IL1RAPL1: variants seen among roughly 807,000 people sequenced by gnomAD.
IL1RAPL1 encodes interleukin 1 receptor accessory protein like 1, also known as interleukin-1 receptor accessory protein-like 1.
In IL1RAPL1, 3 loss-of-function variants were observed where a neutral mutation model predicts 48.4. The observed-to-expected ratio is 0.06, with a 90% CI of 0.03 to 0.16. IL1RAPL1 has a LOEUF of 0.16. Ranked by LOEUF, IL1RAPL1 falls within the 10% of genes least tolerant of loss-of-function variation. The probability of loss-of-function intolerance (pLI) is 1.00; values close to 1 mark genes in which losing one functional copy is unlikely to be tolerated. For missense variants in IL1RAPL1, 349 were observed against 530.6 expected (o/e 0.66, Z 3.36); for synonymous variants, 185 against 187.7 (o/e 0.99, Z 0.12).
At chrX:29,906,515 ATATAT>A (rs2040192392) in intron 6 of IL1RAPL1, among the ~76,000 whole-genome samples, 3 of 39,461 alleles carry the variant, frequency 7.6e-5, no homozygotes, top group Non-Finnish European at 1.3e-4. Context: ...ATATATATAT[ATATAT>A]ATTTCTGTAG....
chrX:29,520,962 A>G (rs1053776746), intron 5 of IL1RAPL1, among the ~76,000 whole-genome samples: 1 of 111,054 alleles, frequency 9.0e-6, no homozygotes, highest in African/African-American at 3.3e-5. Context: ...TTACCCTTTG[A>G]ACACAGCTTT....
chrX:28,833,935 G>T (rs1274934378), intron 2 of IL1RAPL1, among the ~76,000 whole-genome samples: 1 of 112,050 alleles, frequency 8.9e-6, no homozygotes, highest in South Asian at 3.6e-4. Flanking sequence ...ATGCATTTAT[G>T]TAAACATTAA....
intron 5 of IL1RAPL1, among the ~76,000 whole-genome samples, chrX:29,510,991 G>A (rs772110491): frequency 1.8e-5 from 2 of 111,773 alleles, no homozygotes; most frequent in East Asian, 2.8e-4. Flanking sequence ...GGCATCTGCT[G>A]CTTGAACTCC....
intron 2 of IL1RAPL1, among the ~76,000 whole-genome samples, chrX:29,116,274 A>T (rs988940081): frequency 9.0e-6 from 1 of 111,125 alleles, no homozygotes; most frequent in East Asian, 2.8e-4. Context: ...GATCAAAATG[A>T]TACTTTAGGA....
At chrX:28,620,088 A>AC (rs1327460522) in intron 1 of IL1RAPL1, among the ~76,000 whole-genome samples, 4 of 110,735 alleles carry the variant, frequency 3.6e-5, no homozygotes, top group African/African-American at 9.9e-5. Context: ...AAAAAAAAAA[A>AC]CACTAAAGTG....
intron 5 of IL1RAPL1, among the ~76,000 whole-genome samples, chrX:29,633,044 C>A (rs906539284): frequency 2.7e-5 from 3 of 111,261 alleles, no homozygotes; most frequent in African/African-American, 9.8e-5. Flanking sequence ...GAAACATATA[C>A]AATATACACG....
chrX:29,139,748 T>C (rs1929209617), intron 2 of IL1RAPL1, among the ~76,000 whole-genome samples: 1 of 111,530 alleles, frequency 9.0e-6, no homozygotes, highest in South Asian at 3.7e-4. Context: ...AAACATGCAA[T>C]AGATTTTTAA....
intron 2 of IL1RAPL1, among the ~76,000 whole-genome samples, chrX:29,135,027 C>A (rs2147487072): frequency 8.9e-6 from 1 of 111,913 alleles, no homozygotes; most frequent in East Asian, 2.8e-4. Flanking sequence ...CTTTTTCTAA[C>A]AAACACATAG....
At chrX:28,993,727 C>T (rs781431017) in intron 2 of IL1RAPL1, among the ~76,000 whole-genome samples, 3 of 111,992 alleles carry the variant, frequency 2.7e-5, no homozygotes, top group African/African-American at 9.7e-5. Context: ...CTGGTAGTGA[C>T]GAATTTAACT....
chrX:28,701,939 A>C (rs1480710183), intron 1 of IL1RAPL1, among the ~76,000 whole-genome samples: 1 of 111,891 alleles, frequency 8.9e-6, no homozygotes, highest in African/African-American at 3.2e-5. Context: ...TAGGTTAATA[A>C]AATAAAGCAA....
chrX:29,353,122 A>T (rs1022575500), intron 3 of IL1RAPL1, among the ~76,000 whole-genome samples: 1 of 112,172 alleles, frequency 8.9e-6, no homozygotes, highest in Admixed American at 9.5e-5. Flanking sequence ...AAACCACCAG[A>T]TTATTTGATT....
rs183374073 is a variant in IL1RAPL1 at position 29,758,418 on chromosome X, C to T, written c.778+89914C>T. Among the ~76,000 whole-genome samples the T allele has an allele frequency of 2.1e-3, 235 of 111,275 alleles. 1 individual carries two copies. Among genetic ancestry groups the T allele is most frequent in the Non-Finnish European group, 3.2e-3 (169 of 53,024 alleles). On this transcript the variant is annotated intron_variant, in intron 6 of 10. Transcript: ENST00000378993. ...ACTGAAAATGGAAATACAGGCCAGA[C>T]GCAGTGGCTCACGCCTGTAATCCCA... is the stretch of plus-strand genomic sequence containing the variant.
intron 6 of IL1RAPL1, among the ~76,000 whole-genome samples, chrX:29,799,868 A>G (rs1929832907): frequency 8.9e-6 from 1 of 112,213 alleles, no homozygotes; most frequent in South Asian, 3.7e-4. Flanking sequence ...TATGCCACAC[A>G]TGGAGTCTTT....
chrX:29,873,474 G>A (rs1967149818), intron 6 of IL1RAPL1, among the ~76,000 whole-genome samples: 1 of 109,015 alleles, frequency 9.2e-6, no homozygotes, highest in African/African-American at 3.4e-5. Context: ...CCTCATGAAT[G>A]GGATTGATGC....
chrX:28,988,268 C>G (rs1397077345), intron 2 of IL1RAPL1, among the ~76,000 whole-genome samples: 3 of 111,349 alleles, frequency 2.7e-5, no homozygotes, highest in Non-Finnish European at 1.9e-5. Flanking sequence ...AAAACTTACT[C>G]AAAGGATTTT....
intron 2 of IL1RAPL1, among the ~76,000 whole-genome samples, chrX:29,117,915 G>T (rs1379601367): frequency 9.0e-6 from 1 of 111,536 alleles, no homozygotes; most frequent in Non-Finnish European, 1.9e-5. Context: ...CTGTATCTCA[G>T]CATTCATTGC....
At chrX:28,828,460 T>A (rs1185320256) in intron 2 of IL1RAPL1, among the ~76,000 whole-genome samples, 1 of 111,821 alleles carries the variant, frequency 8.9e-6, no homozygotes, top group Non-Finnish European at 1.9e-5. Flanking sequence ...ACTTGAGAGT[T>A]TTTTTTAGTT....
chrX:28,767,684 T>C (rs924252105), intron 1 of IL1RAPL1, among the ~76,000 whole-genome samples: 2 of 106,315 alleles, frequency 1.9e-5, no homozygotes, highest in African/African-American at 3.5e-5. Context: ...ATCCATTTAT[T>C]CCACCTCTCA....
rs75413957 is a variant in IL1RAPL1 at position 29,788,338 on chromosome X, A to C, written c.778+119834A>C. Among the ~76,000 whole-genome samples, 23 of 111,814 alleles carry C rather than the reference A, an allele frequency of 2.1e-4. No individual in the cohort carries two copies. The East Asian group carries it at 6.2e-3, about 30-fold the overall frequency. On this transcript the variant is annotated intron_variant, in intron 6 of 10. Transcript: ENST00000378993. ...AGGAAACACAGACAACAAATAATAC[A>C]TATAATAAAAATAAATCATAGTATG...
Sources: gnomAD v4.1 joint callset for allele counts (sites outside exome capture counted in the v4.1 genomes callset) on GRCh38, gnomAD v4.1.1 for gene constraint, MANE v1.5 for transcripts, NCBI Gene and HGNC (gene_info 2026-07-23, HGNC 2026-07-21) for gene names.